Variants in TEX51 observed in about 807,000 individuals in gnomAD.
The protein encoded by TEX51 is testis expressed 51, also known as testis-expressed protein 51.
A neutral mutation model predicts 8.0 loss-of-function variants in TEX51; 14 were observed. That is an observed-to-expected ratio of 1.76 (90% CI 1.16 to 2.75). TEX51 has a LOEUF of 2.75. Among genes scored for constraint, TEX51 ranks in the 30% most tolerant of loss-of-function variants. The probability of loss-of-function intolerance (pLI) is 0.00; values close to 1 mark genes in which losing one functional copy is unlikely to be tolerated. For missense variants in TEX51, 142 were observed against 77.4 expected (o/e 1.83, Z -3.13); for synonymous variants, 58 against 28.6 (o/e 2.03, Z -3.29).
At chr2:126,899,895 G>T (rs990500438) in intron 3 of TEX51, 41 bp from the exon 4 acceptor site, 20 of 702,186 alleles carry the variant, frequency 2.8e-5, no homozygotes, top group Admixed American at 2.4e-4. Context: ...GGGATGAAAG[G>T]CACCTGGCAC....
chr2:126,900,019 G>A lies in TEX51; in HGVS notation c.394G>A (p.Ala132Thr). ...LSCNDPTFCP[A>T]RNRRTSLWAV... is the part of the protein sequence containing the mutation. The stretch of plus-strand genomic sequence containing the variant: ...CTGCAATGACCCCACTTTCTGCCCA[G>A]GTCAGTGGCCACCACCCTGTCCAGC... Residue 132 changes from alanine to threonine, a missense_variant and splice_region_variant, in exon 4 of 7, where the codon GCC (alanine) becomes ACC (threonine). Physicochemically the swap from Ala to Thr is moderately conservative, Grantham distance 58. Coordinates refer to ENST00000568484, the MANE Select transcript of TEX51 (RefSeq NM_001322244.2). 1.4e-6 allele frequency: 1 copy of A among 700,614 alleles called. No individual in the cohort carries two copies. The allele number at this position is 700,614 out of a possible 1,614,324, so 43.4% of individuals were successfully genotyped here. A position where few individuals can be genotyped will look rare whatever the true frequency, so the allele number is the denominator to read the frequency against.
chr2:126,901,500 A>T, intron 6 of TEX51, 96 bp downstream of exon 6: 1 of 683,670 alleles, frequency 1.5e-6, no homozygotes, highest in Admixed American at 2.1e-5. Context: ...CCCAGTGCTG[A>T]CCTCCTGGGG....
rs1680354075 is a variant in TEX51, at chr2:126,901,937, C to A, written c.*68C>A. 1 of 672,508 alleles carries A rather than the reference C, an allele frequency of 1.5e-6. No individual in the cohort carries two copies. 41.7% of individuals were successfully genotyped at this position (672,508 alleles called of 1,614,324 possible). A position where few individuals can be genotyped will look rare whatever the true frequency, so the allele number is the denominator to read the frequency against. ...CCGCAGCTACCACCGTCACAAAGTT[C>A]ACTCATCTCTGGGTCCCGGTGACCC... On this transcript the variant is annotated 3_prime_UTR_variant, in exon 7 of 7. Coordinates refer to ENST00000568484, the MANE Select transcript of TEX51 (RefSeq NM_001322244.2).
rs1339619606 is a variant in TEX51, at chr2:126,901,399, G to A, written c.498G>A (p.Gln166=). 8.5e-6 allele frequency: 6 copies of A among 702,350 alleles called. No individual in the cohort carries two copies. Among genetic ancestry groups the A allele is most frequent in the South Asian group, 7.4e-5 (5 of 67,598 alleles). The allele number at this position is 702,350 out of a possible 1,614,324, so 43.5% of individuals were successfully genotyped here. A position where few individuals can be genotyped will look rare whatever the true frequency, so the allele number is the denominator to read the frequency against. ...TTACTGGCAAAGGAAGAAGGAGGCA[G>A]TAAAGGTACTGGGAAAGGAGACCCC... ...VSFTGKGRRR[Q] is the part of the protein sequence containing the mutation. Residue 166 remains glutamine, a synonymous_variant, in exon 6 of 7, where the codon CAG becomes CAA. Transcript: ENST00000568484.
chr2:126,899,896 C>T (rs1278605432), intron 3 of TEX51, 40 bp from the exon 4 acceptor site: 2 of 702,098 alleles, frequency 2.8e-6, no homozygotes, highest in African/African-American at 3.5e-5. Context: ...GGATGAAAGG[C>T]ACCTGGCACC....
intron 2 of TEX51, 29 bp downstream of exon 2, chr2:126,899,320 G>A: frequency 1.4e-6 from 1 of 702,174 alleles, no homozygotes; most frequent in Non-Finnish European, 2.6e-6. Flanking sequence ...CCAGGGCCTT[G>A]GGGCTTGGGT....
chr2:126,901,958 G>T lies in TEX51; in HGVS notation c.*89G>T, dbSNP rs565109745. 3.0e-6 allele frequency: 2 copies of T among 664,790 alleles called. No individual in the cohort carries two copies. The highest frequency in any genetic ancestry group is 5.5e-6 in the Non-Finnish European group (2 of 366,074). The allele number at this position is 664,790 out of a possible 1,614,324, so 41.2% of individuals were successfully genotyped here. On this transcript the variant is annotated 3_prime_UTR_variant, in exon 7 of 7. Coordinates refer to ENST00000568484, the MANE Select transcript of TEX51 (RefSeq NM_001322244.2). Reference sequence around the variant, plus strand: ...AGTTCACTCATCTCTGGGTCCCGGTGACCCCATCCCCCCATACCCTCCATC... The same window carrying T: ...AGTTCACTCATCTCTGGGTCCCGGTTACCCCATCCCCCCATACCCTCCATC...
At chr2:126,901,792 G>T in intron 6 of TEX51, 80 bp from the exon 7 acceptor site, 2 of 566,220 alleles carry the variant, frequency 3.5e-6, no homozygotes, top group Admixed American at 6.7e-5. Flanking sequence ...AGACTCCCAG[G>T]AGGAAGTTAG....
At chr2:126,899,722 C>G (rs1680221775) in intron 3 of TEX51, 110 bp downstream of exon 3, 1 of 697,982 alleles carries the variant, frequency 1.4e-6, no homozygotes, top group Non-Finnish European at 2.6e-6. Context: ...AGGAGCCCCA[C>G]CCCTCTCCAT....
intron 6 of TEX51, 141 bp from the exon 7 acceptor site, chr2:126,901,731 C>G: frequency 1.7e-6 from 1 of 572,096 alleles, no homozygotes; most frequent in East Asian, 2.9e-5. Flanking sequence ...CCCACAGGGA[C>G]CATTAGCATG....
At chr2:126,900,972 G>C (rs1281292025) in intron 4 of TEX51, among the ~76,000 whole-genome samples, 2 of 152,180 alleles carry the variant, frequency 1.3e-5, no homozygotes, top group Non-Finnish European at 2.9e-5. Context: ...CACCCCAGAG[G>C]CTTGTCAGCC....
chr2:126,899,718 C>T (rs868309431), intron 3 of TEX51, 106 bp downstream of exon 3: 1 of 697,628 alleles, frequency 1.4e-6, no homozygotes, highest in Middle Eastern at 2.3e-4. Flanking sequence ...CCCCAGGAGC[C>T]CCACCCCTCT....
At chr2:126,899,387 G>C in intron 2 of TEX51, 96 bp downstream of exon 2, 1 of 691,038 alleles carries the variant, frequency 1.4e-6, no homozygotes, top group East Asian at 2.7e-5. Flanking sequence ...ATGGGTGGGA[G>C]GTCTTGTGAA....
At chr2:126,899,323 G>A (rs1680193144) in intron 2 of TEX51, 32 bp downstream of exon 2, 1 of 702,016 alleles carries the variant, frequency 1.4e-6, no homozygotes, top group Non-Finnish European at 2.6e-6. Flanking sequence ...GGGCCTTGGG[G>A]CTTGGGTTGA....
rs114237530 is a variant in TEX51 at position 126,899,553 on chromosome 2, C to T, written c.251C>T (p.Thr84Met). Residue 84 changes from threonine to methionine, a missense_variant, in exon 3 of 7, where the codon ACG (threonine) becomes ATG (methionine). Physicochemically the swap from Thr to Met is moderately conservative, Grantham distance 81. Transcript: ENST00000568484. ...ACAGTACTTCTGGAAGAGATCTACA[C>T]GCACAAGAATCTCTTTACTGAGAGG... is the stretch of plus-strand genomic sequence containing the variant. ...DKTVLLEEIY[T>M]HKNLFTERLN... 2.3e-3 allele frequency: 1,604 copies of T among 702,136 alleles called. 5 individuals carry two copies. The highest frequency in any genetic ancestry group is 7.7e-3 in the African/African-American group (440 of 57,332). 43.5% of individuals were successfully genotyped at this position (702,136 alleles called of 1,614,324 possible). A position where few individuals can be genotyped will look rare whatever the true frequency, so the allele number is the denominator to read the frequency against.
At chr2:126,899,088 A>G (rs61742783) in intron 1 of TEX51, 25 bp downstream of exon 1, 55,096 of 701,410 alleles carry the variant, frequency 0.079, 2,692 homozygotes, top group Middle Eastern at 0.13. Flanking sequence ...TTCCTAGAGG[A>G]TAATAATTTT....
chr2:126,899,170 G>T, intron 1 of TEX51, 47 bp from the exon 2 acceptor site: 1 of 702,258 alleles, frequency 1.4e-6, no homozygotes, highest in Non-Finnish European at 2.6e-6. Flanking sequence ...TACCTGACCT[G>T]GGATCTTACT....
chr2:126,899,032 G>A lies in TEX51; in HGVS notation c.114G>A (p.Val38=), dbSNP rs1680172034. The part of the protein sequence containing the change: ...LIDYDLQILW[V]TPGPPTELSQ... The stretch of plus-strand genomic sequence containing the variant: ...ACTATGACCTGCAGATCCTCTGGGT[G>A]ACCCCAGGGCCACCCACAGAACTTT... The change falls in exon 1 of 7, where the codon GTG becomes GTA. Residue 38 remains valine (V), a synonymous_variant. Transcript: ENST00000568484. 2.8e-6 allele frequency: 2 copies of A among 702,306 alleles called. No individual in the cohort carries two copies. Among genetic ancestry groups the A allele is most frequent in the Non-Finnish European group, 5.2e-6 (2 of 384,818 alleles). 43.5% of individuals were successfully genotyped at this position (702,306 alleles called of 1,614,324 possible). A position where few individuals can be genotyped will look rare whatever the true frequency, so the allele number is the denominator to read the frequency against.
At position 126,900,318 on chromosome 2, in the gene TEX51, C is replaced by T. The variant is rs34102485; in HGVS notation, c.394+299C>T. Among the ~76,000 whole-genome samples the T allele has an allele frequency of 5.0e-4, 75 of 149,864 alleles. No individual in the cohort carries two copies. In the East Asian group the frequency reaches 0.014, roughly 28 times the overall value. On this transcript the variant is annotated intron_variant, in intron 4 of 6. Coordinates refer to ENST00000568484, the MANE Select transcript of TEX51 (RefSeq NM_001322244.2). Reference sequence around the variant, plus strand: ...CTGAGGCAGGAGAGTCGCTTGGACCCGGGAGGTGGAGGTTGCAGTGAGCCG... The same window carrying T: ...CTGAGGCAGGAGAGTCGCTTGGACCTGGGAGGTGGAGGTTGCAGTGAGCCG...
Sources: gnomAD v4.1 joint callset for allele counts (sites outside exome capture counted in the v4.1 genomes callset) on GRCh38, gnomAD v4.1.1 for gene constraint, MANE v1.5 for transcripts, NCBI Gene and HGNC (gene_info 2026-07-23, HGNC 2026-07-21) for gene names.